NDUFA10: variants seen among roughly 807,000 people sequenced by gnomAD.
NDUFA10 encodes NADH dehydrogenase [ubiquinone] 1 alpha subcomplex subunit 10, mitochondrial.
Under a neutral mutation model 47.8 loss-of-function variants are expected in NDUFA10, and 40 were observed. The observed-to-expected ratio is 0.84, with a 90% CI of 0.65 to 1.09. NDUFA10 has a LOEUF of 1.09. Among genes scored for constraint, NDUFA10 ranks in the 50% least tolerant of loss-of-function variants. The pLI, the probability that NDUFA10 is intolerant of heterozygous loss-of-function variation, is 0.00. For synonymous variants in NDUFA10, 183 were observed against 172.2 expected (o/e 1.06, Z -0.49); for missense variants, 413 against 451.1 (o/e 0.92, Z 0.76).
intron 4 of NDUFA10, among the ~76,000 whole-genome samples, chr2:239,905,324 T>C (rs994633956): frequency 2.6e-5 from 4 of 152,120 alleles, no homozygotes; most frequent in African/African-American, 9.7e-5. Flanking sequence ...GTGCTTCCAG[T>C]GGGTGTTCTT....
At chr2:239,918,323 T>A (rs10188651) in intron 4 of NDUFA10, among the ~76,000 whole-genome samples, 1 of 152,058 alleles carries the variant, frequency 6.6e-6, no homozygotes, top group African/African-American at 2.4e-5. Flanking sequence ...GACTGGACAC[T>A]GGACATACAT....
chr2:239,914,644 A>T (rs1693813951), intron 4 of NDUFA10, among the ~76,000 whole-genome samples: 1 of 109,942 alleles, frequency 9.1e-6, no homozygotes, highest in Non-Finnish European at 1.8e-5. Flanking sequence ...GAACACACAC[A>T]TACATACACA....
intron 4 of NDUFA10, among the ~76,000 whole-genome samples, chr2:239,916,298 GAC>G (rs1336321690): frequency 1.3e-5 from 2 of 148,978 alleles, no homozygotes; most frequent in Non-Finnish European, 3.0e-5. Flanking sequence ...CAAATATACA[GAC>G]ACACACAGAC....
At chr2:240,018,708 C>T in intron 3 of NDUFA10, 69 bp from the exon 4 acceptor site, 4 of 1,465,702 alleles carry the variant, frequency 2.7e-6, no homozygotes, top group South Asian at 1.2e-5. Flanking sequence ...CTGATCACTG[C>T]ATTCCAGAGA....
intron 8 of NDUFA10, 34 bp from the exon 9 acceptor site, chr2:239,990,216 C>T: frequency 6.6e-7 from 1 of 1,507,426 alleles, no homozygotes. Context: ...TCACACCAAA[C>T]CATCAAAATA....
downstream of NDUFA10, among the ~76,000 whole-genome samples, chr2:239,956,961 C>T (rs1422854644): frequency 6.6e-6 from 1 of 152,174 alleles, no homozygotes. Context: ...GTGTGGAGCA[C>T]CTGACCCAGC....
intron 4 of NDUFA10, chr2:240,018,298 G>T: frequency 1.9e-6 from 2 of 1,037,728 alleles, no homozygotes; most frequent in South Asian, 1.6e-5. Flanking sequence ...ACTTTAAGCT[G>T]CGTGTGTTTG....
intron 4 of NDUFA10, among the ~76,000 whole-genome samples, chr2:239,923,951 C>T (rs1330103299): frequency 1.3e-5 from 2 of 152,038 alleles, no homozygotes; most frequent in Non-Finnish European, 2.9e-5. Flanking sequence ...TTAAAAGGAG[C>T]AAATATTACA....
intron 4 of NDUFA10, among the ~76,000 whole-genome samples, chr2:240,017,564 C>T (rs1029787762): frequency 1.3e-5 from 2 of 152,166 alleles, no homozygotes; most frequent in African/African-American, 2.4e-5. Flanking sequence ...ACCCCGGGCC[C>T]GTGGGAGCCT....
chr2:239,954,901 C>T (rs1290327166), downstream of NDUFA10, among the ~76,000 whole-genome samples: 5 of 152,284 alleles, frequency 3.3e-5, no homozygotes, highest in East Asian at 3.9e-4. Context: ...CACTGCCGCC[C>T]GACCTGCCGC....
At chr2:239,930,314 C>A (rs1359418428) in intron 4 of NDUFA10, among the ~76,000 whole-genome samples, 2 of 152,132 alleles carry the variant, frequency 1.3e-5, no homozygotes, top group Non-Finnish European at 1.5e-5. Flanking sequence ...CTCCATTGCC[C>A]CTGCTCTGAC....
chr2:240,007,857 C>T (rs1339156259), intron 6 of NDUFA10, among the ~76,000 whole-genome samples: 1 of 152,202 alleles, frequency 6.6e-6, no homozygotes, highest in Admixed American at 6.5e-5. Context: ...CATCTTTACA[C>T]CACAGCACCC....
rs1481359599 is a variant in NDUFA10, at chr2:239,983,759, C to T, written c.999+6315G>A. Reference sequence around the variant, plus strand: ...CAACCCTCAACTGAGGGAGAGTCTACAAAATACCTCACCAGCACTCCTTAT... The same window carrying T: ...CAACCCTCAACTGAGGGAGAGTCTATAAAATACCTCACCAGCACTCCTTAT... On this transcript the variant is annotated intron_variant, in intron 9 of 9. Coordinates refer to ENST00000252711, the MANE Select transcript of NDUFA10 (RefSeq NM_004544.4). 3 of 1,539,724 alleles carry T rather than the reference C, an allele frequency of 1.9e-6. No homozygotes were observed. In the Admixed American group the frequency reaches 5.9e-5, roughly 30 times the overall value.
At position 240,019,086 on chromosome 2, in the gene NDUFA10, C is replaced by T. The variant is rs1016531442; in HGVS notation, c.461-447G>A. On this transcript the variant is annotated intron_variant, in intron 3 of 9. Transcript: ENST00000252711. ...CACTTGTGCAGCTCAGAGCACTAGTCCCCAGGGTCCCCAGCCAGCCTCCTT... is the reference window on the plus strand; with the variant it reads ...CACTTGTGCAGCTCAGAGCACTAGTTCCCAGGGTCCCCAGCCAGCCTCCTT... Among the ~76,000 whole-genome samples, 4 of 152,080 alleles carry T rather than the reference C, an allele frequency of 2.6e-5. 1 individual carries two copies. The highest frequency in any genetic ancestry group is 4.4e-5 in the Non-Finnish European group (3 of 68,030).
chr2:239,992,655 G>A (rs1024102401), intron 8 of NDUFA10, among the ~76,000 whole-genome samples: 4 of 152,202 alleles, frequency 2.6e-5, no homozygotes, highest in Non-Finnish European at 4.4e-5. Context: ...GGTCTGAGAG[G>A]AGCTTGCACA....
At chr2:239,922,756 G>C (rs1694009628) in intron 4 of NDUFA10, among the ~76,000 whole-genome samples, 1 of 152,306 alleles carries the variant, frequency 6.6e-6, no homozygotes, top group Non-Finnish European at 1.5e-5. Context: ...GAGTGAAGTG[G>C]GTTTCCACCC....
At chr2:239,926,855 C>T (rs1340660585) in intron 4 of NDUFA10, among the ~76,000 whole-genome samples, 1 of 152,184 alleles carries the variant, frequency 6.6e-6, no homozygotes, top group Non-Finnish European at 1.5e-5. Flanking sequence ...AATGGACTCA[C>T]AGTTCCACAT....
At chr2:239,950,658 A>T (rs1251823777) in intron 4 of NDUFA10, among the ~76,000 whole-genome samples, 4 of 152,236 alleles carry the variant, frequency 2.6e-5, no homozygotes, top group African/African-American at 9.6e-5. Flanking sequence ...GCTTCTTCCA[A>T]CACTGGTACG....
At chr2:239,911,257 A>C (rs1377334917) in intron 4 of NDUFA10, among the ~76,000 whole-genome samples, 1 of 152,102 alleles carries the variant, frequency 6.6e-6, no homozygotes, top group Non-Finnish European at 1.5e-5. Context: ...GAAGGGGCTC[A>C]GGACTATCCC....
Sources: gnomAD v4.1 joint callset for allele counts (sites outside exome capture counted in the v4.1 genomes callset) on GRCh38, gnomAD v4.1.1 for gene constraint, MANE v1.5 for transcripts, NCBI Gene and HGNC (gene_info 2026-07-23, HGNC 2026-07-21) for gene names.